The following ZNF222 variants were observed in gnomAD, a reference collection of about 807,000 sequenced individuals.
ZNF222 encodes the protein zinc finger protein 222.
In ZNF222, 8 loss-of-function variants were observed where a neutral mutation model predicts 11.6. The ratio of observed to expected loss-of-function variants is 0.69; its 90% CI spans 0.41 to 1.25. ZNF222 has a LOEUF of 1.25. Among genes scored for constraint, ZNF222 ranks in the 50% most tolerant of loss-of-function variants. The pLI, the probability that ZNF222 is intolerant of heterozygous loss-of-function variation, is 0.01. For missense variants in ZNF222, 483 were observed against 576.1 expected, an observed-to-expected ratio of 0.84 and a Z score of 1.65; for synonymous variants, 171 against 195.6, an observed-to-expected ratio of 0.87 and a Z score of 1.05.
chr19:44,031,411 A>G (rs992654771), intron 3 of ZNF222, among the ~76,000 whole-genome samples: 7 of 152,232 alleles, frequency 4.6e-5, no homozygotes, highest in African/African-American at 1.7e-4. Context: ...TCTTGAAAAC[A>G]CTGAACAAAG....
rs755218113 is a variant in ZNF222, at chr19:44,032,409, G to T, written c.855G>T (p.Gln285His). 1 of 1,614,186 alleles carries T rather than the reference G, an allele frequency of 6.2e-7. No homozygotes were observed. The highest frequency in any genetic ancestry group is 1.7e-5 in the Admixed American group (1 of 60,038). Residue 285 changes from glutamine (Q) to histidine (H), a missense_variant, in exon 4 of 4, where the codon CAG becomes CAT. By Grantham distance (24) the Gln-to-His change is conservative. Coordinates refer to ENST00000391960, the MANE Select transcript of ZNF222 (RefSeq NM_001129996.2). ...CTTTCATGCACAATTTCCAGCTTCA[G>T]AAACATCACAGAATTCATACTGGGG... ...GKAFMHNFQL[Q>H]KHHRIHTGEK...
At chr19:44,028,328 C>G (rs539558874) in intron 3 of ZNF222, 1 of 398,440 alleles carries the variant, frequency 2.5e-6, no homozygotes, top group Non-Finnish European at 4.4e-6. Context: ...TGGAACATAA[C>G]GTGTTCATAG....
intron 3 of ZNF222, among the ~76,000 whole-genome samples, chr19:44,029,186 G>GTTTTGTTTTTT (rs569677739): frequency 1.0e-5 from 1 of 97,852 alleles, no homozygotes. Context: ...GGTTTGTTTT[G>GTTTTGTTTTTT]TTTTGTTTTT....
At position 44,025,490 on chromosome 19, in the gene ZNF222, C is replaced by A. The variant is rs1391047004; in HGVS notation, c.42+12C>A. The A allele has an allele frequency of 1.2e-5, 18 of 1,544,190 alleles. No homozygotes were observed. Among genetic ancestry groups the A allele is most frequent in the Admixed American group, 8.1e-5 (4 of 49,584 alleles). On this transcript the variant is annotated intron_variant, in intron 1 of 3. Coordinates refer to ENST00000391960, the MANE Select transcript of ZNF222 (RefSeq NM_001129996.2). This position sits in a 1 kb window ranked among gnomAD's most constrained non-coding sequence, Gnocchi z 4.6. Reference sequence around the variant, plus strand: ...GGCGGAGAGCAGAGGTTTGGAGGGGCGCGGGCGGGGATTGCCGTTCCAGTC... The same window carrying A: ...GGCGGAGAGCAGAGGTTTGGAGGGGAGCGGGCGGGGATTGCCGTTCCAGTC...
rs768862318 is a variant in ZNF222, at chr19:44,027,478, G to T, written c.250G>T (p.Glu84Ter). The change falls in exon 3 of 4, where the codon GAA becomes TAA. Residue 84 changes from glutamate to a stop codon, truncating the protein, a stop_gained. Transcript: ENST00000391960. LOFTEE classifies it low-confidence loss of function (END_TRUNC). ...FWVMGTTSQR[E>*]GNLGGKIQTE... The stretch of plus-strand genomic sequence containing the variant: ...GGTGATGGGGACAACAAGCCAAAGA[G>T]AAGGGAATTTGGGTAAGAACCAAGC... 2.0e-5 allele frequency: 32 copies of T among 1,613,800 alleles called. No homozygotes were observed. The African/African-American group carries it at 2.0e-4, about 10-fold the overall frequency.
intron 3 of ZNF222, among the ~76,000 whole-genome samples, chr19:44,029,837 T>G (rs1319800479): frequency 6.6e-6 from 1 of 152,262 alleles, no homozygotes; most frequent in Non-Finnish European, 1.5e-5. Context: ...GACAAAGTTC[T>G]AAACATTTTG....
intron 3 of ZNF222, among the ~76,000 whole-genome samples, chr19:44,029,093 T>A (rs1336224159): frequency 6.6e-6 from 1 of 152,088 alleles, no homozygotes; most frequent in African/African-American, 2.4e-5. Flanking sequence ...TTTTTCCAAA[T>A]ACTTCTGATG....
chr19:44,032,526 G>A lies in ZNF222; in HGVS notation c.972G>A (p.Leu324=). The part of the protein sequence containing the change: ...RHCMVHTAEK[L]YKSEKYGRGF... Reference sequence around the variant, plus strand: ...GCATGGTCCACACAGCAGAGAAACTGTACAAATCTGAAAAGTATGGAAGAG... The same window carrying A: ...GCATGGTCCACACAGCAGAGAAACTATACAAATCTGAAAAGTATGGAAGAG... The change falls in exon 4 of 4, where the codon CTG becomes CTA. Residue 324 remains leucine, a synonymous_variant. Transcript: ENST00000391960. 6.2e-7 allele frequency: 1 copy of A among 1,614,160 alleles called. No homozygotes were observed. The highest frequency in any genetic ancestry group is 2.2e-5 in the East Asian group (1 of 44,878).
chr19:44,031,728 G>A (rs560060470), intron 3 of ZNF222, 89 bp from the exon 4 acceptor site: 74 of 1,430,158 alleles, frequency 5.2e-5, no homozygotes, highest in Middle Eastern at 3.8e-4. Context: ...CAGTCCACCC[G>A]CCTCGGCCTC....
rs1405983858 is a variant in ZNF222 at position 44,031,853 on chromosome 19, A to G, written c.299A>G (p.Glu100Gly). The G allele has an allele frequency of 6.2e-7, 1 of 1,614,146 alleles. No individual in the cohort carries two copies. The highest frequency in any genetic ancestry group is 2.2e-5 in the East Asian group (1 of 44,886). The change falls in exon 4 of 4, where the codon GAA (glutamate) becomes GGA (glycine). Residue 100 changes from glutamate (E) to glycine (G), a missense_variant. Physicochemically the swap from Glu to Gly is moderately conservative, Grantham distance 98 (BLOSUM62 -2). Transcript: ENST00000391960. The stretch of plus-strand genomic sequence containing the variant: ...CAAACTGAGATGGAGACTGTTCCAG[A>G]AGCAGGAACACATGAAGAATTTTCC... ...KIQTEMETVPEAGTHEEFSCK... is the reference protein window; with the variant it reads ...KIQTEMETVPGAGTHEEFSCK...
At chr19:44,026,433 C>T (rs576878105) in intron 1 of ZNF222, among the ~76,000 whole-genome samples, 5 of 152,058 alleles carry the variant, frequency 3.3e-5, no homozygotes, top group African/African-American at 1.2e-4. Flanking sequence ...ATTGAAGGCA[C>T]CTTGAGGCAA....
At chr19:44,028,396 GCTT>G (rs1976426007) in intron 3 of ZNF222, 1 of 395,980 alleles carries the variant, frequency 2.5e-6, no homozygotes, top group South Asian at 1.4e-4. Flanking sequence ...TACTACAAAA[GCTT>G]CTGCCTCCGA....
At chr19:44,026,556 A>ATTTTT (rs200711054) in intron 1 of ZNF222, among the ~76,000 whole-genome samples, 28 of 101,900 alleles carry the variant, frequency 2.7e-4, no homozygotes, top group African/African-American at 9.4e-4. Flanking sequence ...ATATATATAT[A>ATTTTT]TTTTTTTTTT....
chr19:44,027,398 G>C lies in ZNF222; in HGVS notation c.170G>C (p.Gly57Ala). Residue 57 changes from glycine to alanine, a missense_variant and splice_region_variant, in exon 3 of 4, where the codon GGG becomes GCG. By Grantham distance (60) the Gly-to-Ala change is moderately conservative (BLOSUM62 0). Coordinates refer to ENST00000391960, the MANE Select transcript of ZNF222 (RefSeq NM_001129996.2). ...AGCATGTGACTTTGCCTGTTCACAG[G>C]GCATCAACCATTCCATGGAGATACT... Reference protein sequence around the residue: ...LENFRNLLSVGHQPFHGDTFH... With the variant: ...LENFRNLLSVAHQPFHGDTFH... The C allele has an allele frequency of 6.2e-7, 1 of 1,613,982 alleles. No individual in the cohort carries two copies. The highest frequency in any genetic ancestry group is 8.5e-7 in the Non-Finnish European group (1 of 1,179,936).
rs1976402956 is a variant in ZNF222, at chr19:44,027,441, A to C, written c.213A>C (p.Glu71Asp). The C allele has an allele frequency of 2.5e-6, 4 of 1,614,178 alleles. No homozygotes were observed. Among genetic ancestry groups the C allele is most frequent in the Non-Finnish European group, 3.4e-6 (4 of 1,180,020 alleles). Residue 71 changes from glutamate (E) to aspartate (D), a missense_variant, in exon 3 of 4, where the codon GAA (glutamate) becomes GAC (aspartate). By Grantham distance (45) the Glu-to-Asp change is conservative. Coordinates refer to ENST00000391960, the MANE Select transcript of ZNF222 (RefSeq NM_001129996.2). ...FHGDTFHFLR[E>D]EKFWVMGTTS... Reference sequence around the variant, plus strand: ...GAGATACTTTCCACTTCCTAAGGGAAGAAAAGTTTTGGGTGATGGGGACAA... The same window carrying C: ...GAGATACTTTCCACTTCCTAAGGGACGAAAAGTTTTGGGTGATGGGGACAA...
intron 3 of ZNF222, among the ~76,000 whole-genome samples, chr19:44,029,186 G>GTTTTTTT (rs1364529196): frequency 1.2e-3 from 117 of 97,806 alleles, no homozygotes; most frequent in African/African-American, 4.0e-3. Flanking sequence ...GGTTTGTTTT[G>GTTTTTTT]TTTTGTTTTT....
chr19:44,026,556 A>ATATT (rs1491128087), intron 1 of ZNF222, among the ~76,000 whole-genome samples: 6 of 101,904 alleles, frequency 5.9e-5, no homozygotes, highest in African/African-American at 2.1e-4. Context: ...ATATATATAT[A>ATATT]TTTTTTTTTT....
intron 1 of ZNF222, among the ~76,000 whole-genome samples, chr19:44,026,549 T>A (rs1354727764): frequency 1.5e-5 from 2 of 130,422 alleles, no homozygotes; most frequent in Admixed American, 1.5e-4. Flanking sequence ...TCTCTATATA[T>A]ATATATATTT....
rs1976531012 is a variant in ZNF222, at chr19:44,032,591, T to C, written c.1037T>C (p.Ile346Thr). Residue 346 changes from isoleucine to threonine, a missense_variant, in exon 4 of 4, where the codon ATT (isoleucine) becomes ACT (threonine). Ile to Thr is a moderately conservative substitution (Grantham distance 89). Transcript: ENST00000391960. The part of the protein sequence containing the change: ...DRLDLHKHQM[I>T]HMGQKPYNCK... ...CTAGATTTGCATAAGCATCAGATGA[T>C]TCATATGGGACAGAAACCATATAAT... 2 of 1,614,060 alleles carry C rather than the reference T, an allele frequency of 1.2e-6. No homozygotes were observed. The highest frequency in any genetic ancestry group is 1.7e-6 in the Non-Finnish European group (2 of 1,180,036).
Sources: allele counts gnomAD v4.1 joint callset (sites outside exome capture counted in the v4.1 genomes callset), GRCh38; gene constraint gnomAD v4.1.1; non-coding constraint Gnocchi (gnomAD v3.1); transcripts MANE v1.5; gene names NCBI Gene and HGNC (gene_info 2026-07-23, HGNC 2026-07-21).